DCC: variants seen among roughly 807,000 people sequenced by gnomAD.
The protein encoded by DCC is DCC netrin 1 receptor.
In DCC, 58 loss-of-function variants were observed where a neutral mutation model predicts 172.5. The observed-to-expected ratio is 0.34, with a 90% CI of 0.27 to 0.42. The LOEUF (loss-of-function observed/expected upper bound fraction) is 0.42, where lower values mean the gene tolerates loss of function less well. DCC is among the 10% of genes least tolerant of loss of function. The pLI is 1.00. For missense variants in DCC, 1,740 were observed against 1,791.0 expected (o/e 0.97, Z 0.51); for synonymous variants, 709 against 644.5 (o/e 1.10, Z -1.52).
At chr18:53,439,015 G>T (rs1912110941) in intron 22 of DCC, among the ~76,000 whole-genome samples, 1 of 152,284 alleles carries the variant, frequency 6.6e-6, no homozygotes, top group Middle Eastern at 3.4e-3. Flanking sequence ...TGAATGAGAT[G>T]AATAACGTAT....
chr18:52,938,352 TAGTG>T (rs2040411750), intron 5 of DCC, among the ~76,000 whole-genome samples: 1 of 152,100 alleles, frequency 6.6e-6, no homozygotes, highest in African/African-American at 2.4e-5. Flanking sequence ...AGAGCAATAG[TAGTG>T]AGAGAAGATG....
chr18:52,525,409 T>A (rs532415047), intron 1 of DCC, among the ~76,000 whole-genome samples: 1 of 152,312 alleles, frequency 6.6e-6, no homozygotes, highest in South Asian at 2.1e-4. Flanking sequence ...GTCACAAGCA[T>A]TGTCAAACTG....
intron 2 of DCC, among the ~76,000 whole-genome samples, chr18:52,866,277 C>A (rs1170317781): frequency 1.3e-5 from 2 of 152,172 alleles, no homozygotes; most frequent in Non-Finnish European, 2.9e-5. Flanking sequence ...CAGTACCATG[C>A]TGTTTTGGTT....
At chr18:53,021,156 C>A (rs1258445009) in intron 5 of DCC, among the ~76,000 whole-genome samples, 3 of 152,126 alleles carry the variant, frequency 2.0e-5, no homozygotes, top group Non-Finnish European at 4.4e-5. Flanking sequence ...TCCTCACACA[C>A]ACGGCAGGGT....
At chr18:53,090,742 T>G in intron 7 of DCC, among the ~76,000 whole-genome samples, 1 of 68,932 alleles carries the variant, frequency 1.5e-5, no homozygotes, top group African/African-American at 4.3e-5. Flanking sequence ...AAAGAATGTA[T>G]CGTGTTTCTT....
In DCC at chr18:52,831,562, C is replaced by T. The variant is rs116692093; in HGVS notation, c.413-74482C>T. ...TGGTTATATTCTGAGCTGAATCAAA[C>T]AGAATTTGATGACAGATTAGATGTG... On this transcript the variant is annotated intron_variant, in intron 2 of 28. Transcript: ENST00000442544. Among the ~76,000 whole-genome samples, 322 of 152,104 alleles carry T rather than the reference C, an allele frequency of 2.1e-3. 2 individuals carry two copies. Among genetic ancestry groups the T allele is most frequent in the African/African-American group, 7.4e-3 (306 of 41,448 alleles).
chr18:53,176,915 A>C (rs1158181344), intron 8 of DCC, among the ~76,000 whole-genome samples: 1 of 151,234 alleles, frequency 6.6e-6, no homozygotes, highest in African/African-American at 2.4e-5. Flanking sequence ...AATAGCAAAG[A>C]CTTGGAACCA....
chr18:52,932,247 G>A (rs2040317199), intron 5 of DCC, among the ~76,000 whole-genome samples: 1 of 152,080 alleles, frequency 6.6e-6, no homozygotes, highest in Non-Finnish European at 1.5e-5. Flanking sequence ...ATTTTAATCT[G>A]ACTATAATTG....
intron 9 of DCC, among the ~76,000 whole-genome samples, chr18:53,194,616 C>T (rs189538743): frequency 1.1e-4 from 16 of 152,056 alleles, no homozygotes; most frequent in African/African-American, 2.4e-4. Flanking sequence ...ATTACAGGCA[C>T]GTGCCACTGC....
intron 5 of DCC, among the ~76,000 whole-genome samples, chr18:52,996,738 G>A (rs1471926384): frequency 6.8e-6 from 1 of 146,540 alleles, no homozygotes; most frequent in Non-Finnish European, 1.5e-5. Flanking sequence ...CACTCTACTT[G>A]ATTTATTTCT....
intron 1 of DCC, among the ~76,000 whole-genome samples, chr18:52,516,906 G>T (rs2031660896): frequency 6.6e-6 from 1 of 152,086 alleles, no homozygotes; most frequent in African/African-American, 2.4e-5. Flanking sequence ...TTTTCCACCT[G>T]CCATTTATTT....
At position 53,499,222 on chromosome 18, in the gene DCC, A is replaced by T; in HGVS notation, c.3899-76A>T. ...CTATCACATCTCTCTGAATGGATGC[A>T]GGGACTGTTCCAGTGACTTAAGGAA... On this transcript the variant is annotated intron_variant, in intron 26 of 28. Coordinates refer to ENST00000442544, the MANE Select transcript of DCC (RefSeq NM_005215.4). 5.6e-6 allele frequency: 8 copies of T among 1,421,582 alleles called. No individual in the cohort carries two copies. The South Asian group carries it at 9.2e-5, about 16-fold the overall frequency. 88.1% of individuals were successfully genotyped at this position (1,421,582 alleles called of 1,614,324 possible).
intron 1 of DCC, 43 bp downstream of exon 1, chr18:52,340,921 AC>A (rs1446078469): frequency 2.1e-6 from 3 of 1,405,022 alleles, no homozygotes; most frequent in African/African-American, 2.8e-5. Context: ...CCCCTTCCGT[AC>A]CCCACTTCCC....
rs2042824747 is a variant in DCC, at chr18:53,082,760, C to T, written c.1261+16594C>T. 2.6e-5 allele frequency among the ~76,000 whole-genome samples: 4 copies of T among 152,058 alleles called. No individual in the cohort carries two copies. The South Asian group carries it at 8.3e-4, about 31-fold the overall frequency. ...ATCTGTTTTATTTTCCTTCAGAAAA[C>T]ACACATGCTAACTTTATTATATCTT... On this transcript the variant is annotated intron_variant, in intron 7 of 28. Coordinates refer to ENST00000442544, the MANE Select transcript of DCC (RefSeq NM_005215.4).
At chr18:53,261,911 TG>T (rs2144684929) in intron 12 of DCC, among the ~76,000 whole-genome samples, 1 of 152,274 alleles carries the variant, frequency 6.6e-6, no homozygotes, top group East Asian at 1.9e-4. Flanking sequence ...TATCAGCACC[TG>T]GGAACGTTTC....
At chr18:52,426,224 G>T (rs1313016295) in intron 1 of DCC, among the ~76,000 whole-genome samples, 2 of 151,834 alleles carry the variant, frequency 1.3e-5, no homozygotes, top group Non-Finnish European at 2.9e-5. Context: ...CATCTCCACG[G>T]CAATGAGAAC....
chr18:53,425,201 T>C (rs1480888027), intron 21 of DCC, among the ~76,000 whole-genome samples: 1 of 151,850 alleles, frequency 6.6e-6, no homozygotes, highest in African/African-American at 2.4e-5. Context: ...AAACTATTTT[T>C]CATTCTCTGC....
At chr18:53,319,504 G>C (rs192524055) in intron 13 of DCC, among the ~76,000 whole-genome samples, 113 of 152,270 alleles carry the variant, frequency 7.4e-4, no homozygotes, top group African/African-American at 2.5e-3. Context: ...AAGCCACAAA[G>C]ATCTAAATTG....
chr18:52,556,609 AC>A (rs2144732222), intron 1 of DCC, among the ~76,000 whole-genome samples: 1 of 151,722 alleles, frequency 6.6e-6, no homozygotes, highest in South Asian at 2.1e-4. Flanking sequence ...TAAAAATCTC[AC>A]CCCTGGATGG....
Sources: gnomAD v4.1 joint callset for allele counts (sites outside exome capture counted in the v4.1 genomes callset) on GRCh38, gnomAD v4.1.1 for gene constraint, MANE v1.5 for transcripts, NCBI Gene and HGNC (gene_info 2026-07-23, HGNC 2026-07-21) for gene names.